The following TUNAR variants were observed in gnomAD, a reference collection of about 807,000 sequenced individuals.
TUNAR encodes transmembrane neural differentiation associated intracellular calcium regulator, also known as protein TUNAR.
At chr14:95,884,942 G>C (rs1159975423) in intron 2 of TUNAR, among the ~76,000 whole-genome samples, 1 of 152,072 alleles carries the variant, frequency 6.6e-6, no homozygotes, top group Non-Finnish European at 1.5e-5. Context: ...GCCCTCTTGG[G>C]GCCTAGGTTA....
At chr14:95,879,901 C>G (rs939206409) in intron 2 of TUNAR, among the ~76,000 whole-genome samples, 1 of 152,200 alleles carries the variant, frequency 6.6e-6, no homozygotes, top group South Asian at 2.1e-4. Context: ...GAGACCATGC[C>G]CTCATGATTG....
chr14:95,902,645 C>T (rs923690334), intron 2 of TUNAR, among the ~76,000 whole-genome samples: 3 of 152,098 alleles, frequency 2.0e-5, no homozygotes, highest in East Asian at 1.9e-4. Context: ...GAAATGGGGA[C>T]GCTCAAGTGC....
intron 2 of TUNAR, among the ~76,000 whole-genome samples, chr14:95,898,066 CT>C (rs1478854153): frequency 6.6e-6 from 1 of 152,126 alleles, no homozygotes; most frequent in African/African-American, 2.4e-5. Flanking sequence ...ACCGTCATTG[CT>C]TTCCTGGGTT....
chr14:95,921,809 C>T (rs56307169), intron 2 of TUNAR, among the ~76,000 whole-genome samples: 11,727 of 152,232 alleles, frequency 0.077, 1,525 homozygotes, highest in African/African-American at 0.27. Context: ...TTGCCTGTTT[C>T]GAGCCTTTAT....
At chr14:95,919,506 C>A (rs1038619764) in intron 2 of TUNAR, among the ~76,000 whole-genome samples, 2 of 152,034 alleles carry the variant, frequency 1.3e-5, no homozygotes, top group Admixed American at 6.5e-5. Context: ...CCCAGGAGTT[C>A]AAGACCAGCC....
intron 2 of TUNAR, among the ~76,000 whole-genome samples, chr14:95,881,040 G>C (rs1888970657): frequency 6.6e-6 from 1 of 152,144 alleles, no homozygotes; most frequent in Admixed American, 6.5e-5. Flanking sequence ...AACCCGTGCT[G>C]GACCTCATTT....
intron 2 of TUNAR, among the ~76,000 whole-genome samples, chr14:95,878,307 G>A (rs773516686): frequency 1.2e-4 from 18 of 152,234 alleles, no homozygotes; most frequent in Non-Finnish European, 1.8e-4. Flanking sequence ...GTTTGCTTAA[G>A]TGCATTTAGT....
exon 3 of TUNAR, chr14:95,923,479 A>G (rs1341591567): frequency 1.3e-5 from 2 of 152,070 alleles, no homozygotes; most frequent in African/African-American, 2.4e-5. Flanking sequence ...GAGATAACTT[A>G]TTTTTCTTTT....
At chr14:95,906,564 G>A (rs529938138) in intron 2 of TUNAR, among the ~76,000 whole-genome samples, 20 of 152,296 alleles carry the variant, frequency 1.3e-4, no homozygotes, top group African/African-American at 3.4e-4. Context: ...AGGTGATAGC[G>A]TTTGTGTACA....
chr14:95,906,879 C>T (rs750867571), intron 2 of TUNAR, among the ~76,000 whole-genome samples: 1 of 152,192 alleles, frequency 6.6e-6, no homozygotes, highest in Non-Finnish European at 1.5e-5. Context: ...TGATCCTACC[C>T]CACTCTTCTC....
At chr14:95,878,422 GC>G (rs1410555451) in intron 2 of TUNAR, among the ~76,000 whole-genome samples, 1 of 151,944 alleles carries the variant, frequency 6.6e-6, no homozygotes, top group Non-Finnish European at 1.5e-5. Flanking sequence ...ACAGTGTTGA[GC>G]TCAGTTGTCT....
At chr14:95,905,588 C>T (rs544663529) in intron 2 of TUNAR, among the ~76,000 whole-genome samples, 3 of 152,168 alleles carry the variant, frequency 2.0e-5, no homozygotes, top group Non-Finnish European at 4.4e-5. Context: ...ACATTGACCT[C>T]GATCACTGGG....
At chr14:95,898,610 G>A (rs1409034890) in intron 2 of TUNAR, among the ~76,000 whole-genome samples, 1 of 151,814 alleles carries the variant, frequency 6.6e-6, no homozygotes, top group Non-Finnish European at 1.5e-5. Flanking sequence ...TCATTTTCTG[G>A]TTTGTCATTT....
chr14:95,918,819 G>C (rs983840887), intron 2 of TUNAR, among the ~76,000 whole-genome samples: 9 of 152,300 alleles, frequency 5.9e-5, no homozygotes, highest in African/African-American at 1.9e-4. Flanking sequence ...TGGTTATAAA[G>C]GCAGCACTAA....
chr14:95,913,260 A>G (rs999147290), intron 2 of TUNAR, among the ~76,000 whole-genome samples: 3 of 151,180 alleles, frequency 2.0e-5, no homozygotes, highest in Admixed American at 1.3e-4. Context: ...ACCCATCATC[A>G]TCTAGGTTTT....
chr14:95,909,250 GAAAAT>G (rs1233325262), intron 2 of TUNAR, among the ~76,000 whole-genome samples: 1 of 149,038 alleles, frequency 6.7e-6, no homozygotes, highest in African/African-American at 2.5e-5. Context: ...GGGGGAGAAA[GAAAAT>G]AAACAAGGTT....
chr14:95,900,740 AGTT>A (rs1170005238), intron 2 of TUNAR, among the ~76,000 whole-genome samples: 1 of 152,186 alleles, frequency 6.6e-6, no homozygotes, highest in African/African-American at 2.4e-5. Flanking sequence ...AGCGCATACT[AGTT>A]TGGAGAGCAA....
At chr14:95,907,427 G>A (rs1299834197) in intron 2 of TUNAR, among the ~76,000 whole-genome samples, 1 of 152,178 alleles carries the variant, frequency 6.6e-6, no homozygotes, top group Non-Finnish European at 1.5e-5. Flanking sequence ...ATTTCTTGTT[G>A]GAAGTCAACG....
intron 2 of TUNAR, among the ~76,000 whole-genome samples, chr14:95,918,637 C>T (rs1053795309): frequency 1.3e-5 from 2 of 152,154 alleles, no homozygotes; most frequent in Non-Finnish European, 2.9e-5. Flanking sequence ...TCTTTGTTTG[C>T]TTCAGAGTCC....
Sources: allele counts gnomAD v4.1 joint callset (sites outside exome capture counted in the v4.1 genomes callset), GRCh38; gene constraint gnomAD v4.1.1; transcripts MANE v1.5; gene names NCBI Gene and HGNC (gene_info 2026-07-23, HGNC 2026-07-21).